Variants in ARAP2 observed in about 807,000 individuals in gnomAD.
ARAP2 encodes arf-GAP with Rho-GAP domain, ANK repeat and PH domain-containing protein 2.
A neutral mutation model predicts 194.5 loss-of-function variants in ARAP2; 148 were observed. That is an observed-to-expected ratio of 0.76 (90% CI 0.67 to 0.87). The LOEUF (loss-of-function observed/expected upper bound fraction) is 0.87. Among genes scored for constraint, ARAP2 ranks in the 40% least tolerant of loss-of-function variants. ARAP2 has a pLI of 0.00. For missense variants in ARAP2, 2,128 were observed against 1,989.7 expected, an observed-to-expected ratio of 1.07 and a Z score of -1.32; for synonymous variants, 695 against 683.5, an observed-to-expected ratio of 1.02 and a Z score of -0.26.
chr4:36,158,981 G>A (rs17457286), intron 14 of ARAP2, 117 bp from the exon 15 acceptor site: 283,674 of 979,596 alleles, frequency 0.29, 43,586 homozygotes, highest in South Asian at 0.32. Flanking sequence ...ATTTACCAAA[G>A]AATAATTACA....
At chr4:36,134,386 T>C (rs1180127724) in intron 19 of ARAP2, among the ~76,000 whole-genome samples, 2 of 151,448 alleles carry the variant, frequency 1.3e-5, no homozygotes, top group African/African-American at 4.8e-5. Context: ...CACTGCCACA[T>C]GTCTTCAGTC....
At chr4:36,201,444 G>T (rs1335894233) in intron 6 of ARAP2, among the ~76,000 whole-genome samples, 1 of 152,162 alleles carries the variant, frequency 6.6e-6, no homozygotes, top group Non-Finnish European at 1.5e-5. Context: ...AAAAGGTAAA[G>T]CAGACATGAA....
At chr4:36,087,883 C>T (rs1712336739) in intron 28 of ARAP2, among the ~76,000 whole-genome samples, 1 of 152,050 alleles carries the variant, frequency 6.6e-6, no homozygotes, top group South Asian at 2.1e-4. Flanking sequence ...CTGACTCCAT[C>T]GCTTACTGTG....
At chr4:36,124,684 C>T (rs917602195) in intron 22 of ARAP2, among the ~76,000 whole-genome samples, 178 bp downstream of exon 22, 2 of 151,796 alleles carry the variant, frequency 1.3e-5, no homozygotes. Flanking sequence ...ACACTGTATA[C>T]AATTATTTCT....
At position 36,124,969 on chromosome 4, in the gene ARAP2, T is replaced by C; in HGVS notation, c.3641-2A>G. On this transcript the variant is annotated splice_acceptor_variant, in intron 21 of 32. Coordinates refer to ENST00000303965, the MANE Select transcript of ARAP2 (RefSeq NM_015230.4). LOFTEE classifies it high-confidence loss of function. ...TTCTTTCCTTGTCATCTTGCGTATCTGAAGGGGAAAAAAAAACAATCTTGA... is the reference window on the plus strand; with the variant it reads ...TTCTTTCCTTGTCATCTTGCGTATCCGAAGGGGAAAAAAAAACAATCTTGA... 1.3e-6 allele frequency: 2 copies of C among 1,582,528 alleles called. No homozygotes were observed. The highest frequency in any genetic ancestry group is 1.7e-6 in the Non-Finnish European group (2 of 1,154,548).
At chr4:36,118,488 T>C (rs1054864201) in intron 24 of ARAP2, among the ~76,000 whole-genome samples, 5 of 151,338 alleles carry the variant, frequency 3.3e-5, no homozygotes, top group South Asian at 2.1e-4. Context: ...CTTTTACTTA[T>C]CTTTTCCAAA....
chr4:36,056,419 C>T (rs996084869), intron 2 of ARAP2, among the ~76,000 whole-genome samples: 3 of 152,186 alleles, frequency 2.0e-5, no homozygotes, highest in Admixed American at 2.0e-4. Flanking sequence ...ATGTCTCTAC[C>T]TGAAGTAATG....
intron 19 of ARAP2, among the ~76,000 whole-genome samples, chr4:36,134,760 A>C (rs73225583): frequency 1.3e-4 from 20 of 149,784 alleles, no homozygotes; most frequent in Non-Finnish European, 2.2e-4. Flanking sequence ...ACACACACAC[A>C]CCCTCCTGGA....
chr4:36,057,333 T>C (rs1309139433), intron 2 of ARAP2, among the ~76,000 whole-genome samples: 1 of 151,776 alleles, frequency 6.6e-6, no homozygotes, highest in East Asian at 1.9e-4. Context: ...TTTATTACAA[T>C]GTAATTTTGT....
chr4:36,119,818 T>A, intron 23 of ARAP2, 100 bp from the exon 24 acceptor site: 1 of 783,814 alleles, frequency 1.3e-6, no homozygotes, highest in Non-Finnish European at 2.0e-6. Context: ...ACTAACAACT[T>A]AAAAATAAAT....
At chr4:36,174,144 T>A in intron 9 of ARAP2, among the ~76,000 whole-genome samples, 1 of 152,232 alleles carries the variant, frequency 6.6e-6, no homozygotes, top group East Asian at 1.9e-4. Flanking sequence ...GCCCCCTGCA[T>A]GTGTCATGTG....
At chr4:36,082,420 G>A (rs1729793380) in intron 29 of ARAP2, 134 bp from the exon 30 acceptor site, 1 of 864,178 alleles carries the variant, frequency 1.2e-6, no homozygotes, top group Non-Finnish European at 1.8e-6. Flanking sequence ...GTGATTCAAT[G>A]TGTTGGACTT....
intron 2 of ARAP2, among the ~76,000 whole-genome samples, chr4:36,215,019 T>C (rs1747599813): frequency 6.6e-6 from 1 of 152,160 alleles, no homozygotes; most frequent in Non-Finnish European, 1.5e-5. Context: ...GGGCAATTAT[T>C]TAGAATACAA....
chr4:36,229,500 T>C lies in ARAP2; in HGVS notation c.-14A>G. 3 of 1,578,028 alleles carry C rather than the reference T, an allele frequency of 1.9e-6. No individual in the cohort carries two copies. The highest frequency in any genetic ancestry group is 2.2e-5 in the East Asian group (1 of 44,476). ...GACTGAGGACATAATGGTGGCTTCATTACTAAGCTGAGTTACAAAAAGTGG... is the reference window on the plus strand; with the variant it reads ...GACTGAGGACATAATGGTGGCTTCACTACTAAGCTGAGTTACAAAAAGTGG... On this transcript the variant is annotated 5_prime_UTR_variant, in exon 2 of 33. An upstream start codon of the reference 5' UTR is lost. Transcript: ENST00000303965.
intron 5 of ARAP2, among the ~76,000 whole-genome samples, chr4:36,045,114 T>G (rs1366759590): frequency 6.6e-6 from 1 of 152,112 alleles, no homozygotes; most frequent in Admixed American, 6.5e-5. Flanking sequence ...AATACAGACA[T>G]TGTGGAAAAC....
In ARAP2 at chr4:36,110,491, T is replaced by C. The variant is rs77378891; in HGVS notation, c.4157-2798A>G. 8.8e-4 allele frequency among the ~76,000 whole-genome samples: 133 copies of C among 151,980 alleles called. 2 individuals are homozygous for C. The East Asian group carries it at 0.02, about 23-fold the overall frequency. On this transcript the variant is annotated intron_variant, in intron 26 of 32. Coordinates refer to ENST00000303965, the MANE Select transcript of ARAP2 (RefSeq NM_015230.4). ...AGGCCCTTCAGCAATTAAATTTCTTTCAAGATGTGAAAAACCTAGAAGGTA... is the reference window on the plus strand; with the variant it reads ...AGGCCCTTCAGCAATTAAATTTCTTCCAAGATGTGAAAAACCTAGAAGGTA...
intron 1 of ARAP2, among the ~76,000 whole-genome samples, chr4:36,239,107 C>G (rs1044258629): frequency 1.3e-5 from 2 of 152,018 alleles, no homozygotes; most frequent in African/African-American, 4.8e-5. Flanking sequence ...GAAATCCCGT[C>G]TCTACTAAAA....
intron 3 of ARAP2, among the ~76,000 whole-genome samples, chr4:36,048,009 T>A (rs547051126): frequency 6.6e-6 from 1 of 152,308 alleles, no homozygotes; most frequent in East Asian, 1.9e-4. Context: ...CTGAGAACTC[T>A]GAATGCAATG....
At chr4:36,151,356 A>T (rs1414132082) in intron 15 of ARAP2, among the ~76,000 whole-genome samples, 2 of 152,218 alleles carry the variant, frequency 1.3e-5, no homozygotes, top group Non-Finnish European at 2.9e-5. Context: ...AAATGTCTGT[A>T]GAGTATTAAA....
Sources: gnomAD v4.1 joint callset for allele counts (sites outside exome capture counted in the v4.1 genomes callset) on GRCh38, gnomAD v4.1.1 for gene constraint, MANE v1.5 for transcripts, NCBI Gene and HGNC (gene_info 2026-07-23, HGNC 2026-07-21) for gene names.